Variants in HTT observed in about 807,000 individuals in gnomAD.
The protein encoded by HTT is huntingtin, also known as huntington disease protein.
HTT carries 104 observed loss-of-function variants against 362.3 expected under a neutral mutation model. The ratio of observed to expected loss-of-function variants is 0.29; its 90% CI spans 0.24 to 0.34. The LOEUF (loss-of-function observed/expected upper bound fraction) is 0.34, where lower values mean the gene tolerates loss of function less well. Among genes scored for constraint, HTT ranks in the 10% least tolerant of loss-of-function variants. The pLI, the probability that HTT is intolerant of heterozygous loss-of-function variation, is 1.00. For synonymous variants in HTT, 1,577 were observed against 1,548.7 expected (o/e 1.02, Z -0.43); for missense variants, 3,301 against 3,928.6 (o/e 0.84, Z 4.27).
intron 29 of HTT, among the ~76,000 whole-genome samples, chr4:3,164,763 C>G (rs1429566917): frequency 6.6e-6 from 1 of 150,896 alleles, no homozygotes; most frequent in Non-Finnish European, 1.5e-5. Context: ...TTTTTGCTTT[C>G]CATTTGCTTG....
rs372064438 is a variant in HTT, at chr4:3,130,469, T to C, written c.1986+46T>C. 4.0e-5 allele frequency: 44 copies of C among 1,095,962 alleles called. No individual in the cohort carries two copies. The African/African-American group carries it at 6.3e-4, about 16-fold the overall frequency. The allele number at this position is 1,095,962 out of a possible 1,614,324, so 67.9% of individuals were successfully genotyped here. A position where few individuals can be genotyped will look rare whatever the true frequency, so the allele number is the denominator to read the frequency against. On this transcript the variant is annotated intron_variant, in intron 14 of 66. Coordinates refer to ENST00000355072, the MANE Select transcript of HTT (RefSeq NM_001388492.1). ...ACGACTTGGTGTTTCTGAGCTTGTG[T>C]GAGGATTTAAAATCGCCCTGGCTAC... is the stretch of plus-strand genomic sequence containing the variant.
chr4:3,242,282 C>T lies in HTT; in HGVS notation c.*2223C>T, dbSNP rs1435078510. The T allele has an allele frequency of 6.6e-6, 1 of 152,254 alleles. No homozygotes were observed. The highest frequency in any genetic ancestry group is 2.4e-5 in the African/African-American group (1 of 41,452). 9.4% of individuals were successfully genotyped at this position (152,254 alleles called of 1,614,324 possible). A position where few individuals can be genotyped will look rare whatever the true frequency, so the allele number is the denominator to read the frequency against. On this transcript the variant is annotated 3_prime_UTR_variant, in exon 67 of 67. Coordinates refer to ENST00000355072, the MANE Select transcript of HTT (RefSeq NM_001388492.1). The stretch of plus-strand genomic sequence containing the variant: ...AGTCCTTAGCAAGGGGCTCAGAACA[C>T]CCCGCTCTGGCAGTAGGTGTCCCCC...
chr4:3,160,808 ACACAGATAGTCTCTGACTTATCT>A lies in HTT; in HGVS notation c.3864+423_3864+445del, dbSNP rs776090859. ...CTGGGGTTGACAGTCATATTCTCTG[ACACAGATAGTCTCTGACTTATCT>A]CACAGAAAGTCAGCGGCAGAGCCTG... On this transcript the variant is annotated intron_variant, in intron 29 of 66. Coordinates refer to ENST00000355072, the MANE Select transcript of HTT (RefSeq NM_001388492.1). 1.6e-4 allele frequency among the ~76,000 whole-genome samples: 25 copies of A among 152,242 alleles called. No individual in the cohort carries two copies. The South Asian group carries it at 1.9e-3, about 11-fold the overall frequency.
At chr4:3,109,559 TA>T (rs142131211) in intron 6 of HTT, among the ~76,000 whole-genome samples, 2 of 152,114 alleles carry the variant, frequency 1.3e-5, no homozygotes, top group African/African-American at 4.8e-5. Context: ...CTTCTACTGC[TA>T]TTTTTTTTTT....
intron 51 of HTT, among the ~76,000 whole-genome samples, chr4:3,216,277 A>G (rs970844355): frequency 2.6e-5 from 4 of 151,616 alleles, no homozygotes; most frequent in Non-Finnish European, 4.4e-5. Flanking sequence ...TGTATCTCAA[A>G]CCTCTGTGGG....
intron 57 of HTT, among the ~76,000 whole-genome samples, chr4:3,226,472 T>TA (rs1040057949): frequency 3.4e-4 from 52 of 151,256 alleles, no homozygotes; most frequent in African/African-American, 1.1e-3. Flanking sequence ...CTCTGTCCCT[T>TA]AAAAAAAAAT....
chr4:3,160,314 G>A lies in HTT; in HGVS notation c.3786G>A (p.Lys1262=). The part of the protein sequence containing the change: ...VTLDLQNSTE[K]FGGFLRSALD... ...TGGATCTTCAGAACAGCACGGAAAAGTTTGGAGGGTTTCTCCGCTCAGCCT... is the reference window on the plus strand; with the variant it reads ...TGGATCTTCAGAACAGCACGGAAAAATTTGGAGGGTTTCTCCGCTCAGCCT... Residue 1262 remains lysine, a synonymous_variant, in exon 29 of 67, where the codon AAG becomes AAA. Coordinates refer to ENST00000355072, the MANE Select transcript of HTT (RefSeq NM_001388492.1). The A allele has an allele frequency of 1.3e-6, 2 of 1,553,188 alleles. No individual in the cohort carries two copies. The highest frequency in any genetic ancestry group is 1.2e-5 in the South Asian group (1 of 84,148).
At chr4:3,204,793 C>A (rs1260243159) in intron 42 of HTT, among the ~76,000 whole-genome samples, 1 of 152,044 alleles carries the variant, frequency 6.6e-6, no homozygotes, top group Non-Finnish European at 1.5e-5. Flanking sequence ...ACAGAGAAAC[C>A]CTGCCTCTAC....
At chr4:3,236,384 C>A in intron 64 of HTT, 130 bp downstream of exon 64, 1 of 719,536 alleles carries the variant, frequency 1.4e-6, no homozygotes, top group Non-Finnish European at 2.5e-6. Flanking sequence ...CCCACCACAG[C>A]CTGACCATGG....
chr4:3,173,373 G>C, intron 31 of HTT: 1 of 536,968 alleles, frequency 1.9e-6, no homozygotes, highest in Admixed American at 3.1e-5. Flanking sequence ...TCAGAGGTGG[G>C]GGTAGAGGAG....
At position 3,228,317 on chromosome 4, in the gene HTT, G is replaced by A. The variant is rs1467511592; in HGVS notation, c.7849-298G>A. ...GGGACTCCATTCAGATGTCACTTAG[G>A]AGTGAAAGCATCCCTTCGTAGAGCC... On this transcript the variant is annotated intron_variant, in intron 57 of 66. Transcript: ENST00000355072. This position sits in a 1 kb window ranked among gnomAD's most constrained non-coding sequence, Gnocchi z 4.3. 6.6e-6 allele frequency among the ~76,000 whole-genome samples: 1 copy of A among 152,214 alleles called. No homozygotes were observed. Among genetic ancestry groups the A allele is most frequent in the Non-Finnish European group, 1.5e-5 (1 of 68,036 alleles).
At chr4:3,130,832 C>T (rs891910550) in intron 14 of HTT, among the ~76,000 whole-genome samples, 6 of 152,116 alleles carry the variant, frequency 3.9e-5, no homozygotes, top group African/African-American at 1.2e-4. Context: ...CAAGGAATAG[C>T]GTTTCACAGT....
At chr4:3,101,703 G>A (rs1259456509) in intron 3 of HTT, among the ~76,000 whole-genome samples, 1 of 152,224 alleles carries the variant, frequency 6.6e-6, no homozygotes, top group Non-Finnish European at 1.5e-5. Flanking sequence ...ATCTGACATA[G>A]CCTGGCAGCA....
chr4:3,107,494 C>T, intron 6 of HTT, 71 bp downstream of exon 6: 2 of 1,502,194 alleles, frequency 1.3e-6, no homozygotes, highest in African/African-American at 1.4e-5. Context: ...GTGAGGGCTT[C>T]TGAACAGGGA....
At chr4:3,125,456 ATTC>A (rs1362823981) in intron 10 of HTT, 90 bp from the exon 11 acceptor site, 6 of 747,152 alleles carry the variant, frequency 8.0e-6, no homozygotes, top group Non-Finnish European at 1.4e-5. Flanking sequence ...TAAATTAAAT[ATTC>A]TTATGAGTTT....
In HTT at chr4:3,243,331, G is replaced by A. The variant is rs956856035; in HGVS notation, c.*3272G>A. On this transcript the variant is annotated 3_prime_UTR_variant, in exon 67 of 67. Coordinates refer to ENST00000355072, the MANE Select transcript of HTT (RefSeq NM_001388492.1). ...TCCCTCCCCCGCTTCCTCCCTCTGCGGGGAGGACCCGGGACCACAGCTGCT... is the reference window on the plus strand; with the variant it reads ...TCCCTCCCCCGCTTCCTCCCTCTGCAGGGAGGACCCGGGACCACAGCTGCT... 3 of 152,668 alleles carry A rather than the reference G, an allele frequency of 2.0e-5. No individual in the cohort carries two copies. Among genetic ancestry groups the A allele is most frequent in the Admixed American group, 1.3e-4 (2 of 15,306 alleles). 9.5% of individuals were successfully genotyped at this position (152,668 alleles called of 1,614,324 possible).
chr4:3,232,359 A>G (rs1429693048), intron 60 of HTT, among the ~76,000 whole-genome samples: 1 of 152,188 alleles, frequency 6.6e-6, no homozygotes, highest in East Asian at 1.9e-4. Flanking sequence ...CCAGCGCTCC[A>G]TGGGAATTCT....
chr4:3,181,739 G>C (rs1181785308), intron 36 of HTT, among the ~76,000 whole-genome samples: 2 of 152,092 alleles, frequency 1.3e-5, no homozygotes, highest in African/African-American at 4.8e-5. Context: ...ATCATAAAGA[G>C]GTCTGAAAAT....
intron 35 of HTT, among the ~76,000 whole-genome samples, chr4:3,179,150 A>G (rs1718378798): frequency 6.6e-6 from 1 of 152,144 alleles, no homozygotes; most frequent in Admixed American, 6.5e-5. Flanking sequence ...ACTACTACTT[A>G]GAGTCTTTTC....
Sources: gnomAD v4.1 joint callset for allele counts (sites outside exome capture counted in the v4.1 genomes callset) on GRCh38, gnomAD v4.1.1 for gene constraint, Gnocchi (gnomAD v3.1) non-coding constraint, MANE v1.5 for transcripts, NCBI Gene and HGNC (gene_info 2026-07-23, HGNC 2026-07-21) for gene names.